The following LAMA1 variants were observed in gnomAD, a reference collection of about 807,000 sequenced individuals.
LAMA1 encodes the protein laminin subunit alpha-1.
LAMA1 carries 219 observed loss-of-function variants against 348.7 expected under a neutral mutation model. That is an observed-to-expected ratio of 0.63 (90% confidence interval 0.56 to 0.70). The LOEUF is 0.70. Among genes scored for constraint, LAMA1 ranks in the 30% least tolerant of loss-of-function variants. The probability of loss-of-function intolerance (pLI) is 0.00; values close to 1 mark genes in which losing one functional copy is unlikely to be tolerated. For missense variants in LAMA1, 3,744 were observed against 3,888.0 expected (o/e 0.96, Z 0.99); for synonymous variants, 1,487 against 1,491.0 (o/e 1.00, Z 0.06).
At position 7,029,458 on chromosome 18, in the gene LAMA1, C is replaced by T. The variant is rs113248933; in HGVS notation, c.2274+2608G>A. ...CATTTTAAAAATATTTGATAATGCT[C>T]ATTTGGAACATGTCTATGGTATGTT... is the stretch of plus-strand genomic sequence containing the variant. On this transcript the variant is annotated intron_variant, in intron 16 of 62. Transcript: ENST00000389658. Among the ~76,000 whole-genome samples the T allele has an allele frequency of 2.7e-3, 409 of 152,298 alleles. 2 individuals are homozygous for T. The highest frequency in any genetic ancestry group is 8.8e-3 in the African/African-American group (365 of 41,568).
intron 3 of LAMA1, among the ~76,000 whole-genome samples, chr18:7,059,060 T>C (rs1035462580): frequency 5.3e-5 from 8 of 152,146 alleles, no homozygotes; most frequent in African/African-American, 1.9e-4. Context: ...CAACTAATTT[T>C]TGTATTTTTA....
chr18:6,945,681 C>A (rs1444586370), intron 61 of LAMA1, among the ~76,000 whole-genome samples: 2 of 152,124 alleles, frequency 1.3e-5, no homozygotes, highest in African/African-American at 4.8e-5. Context: ...CAAGTTTGCA[C>A]ATGACCCCAC....
At chr18:7,016,468 C>T (rs1349511989) in intron 21 of LAMA1, 23 bp downstream of exon 21, 2 of 1,614,022 alleles carry the variant, frequency 1.2e-6, no homozygotes, top group South Asian at 1.1e-5. Flanking sequence ...TACAAAGTCT[C>T]AAACAAGGAA....
intron 3 of LAMA1, among the ~76,000 whole-genome samples, chr18:7,055,677 C>A (rs919532651): frequency 2.0e-5 from 3 of 152,124 alleles, no homozygotes; most frequent in African/African-American, 4.8e-5. Flanking sequence ...CAGAAACATT[C>A]TCCAATCGAC....
rs577878685 is a variant in LAMA1, at chr18:7,008,566, C to T, written c.4044G>A (p.Lys1348=). 5.6e-6 allele frequency: 9 copies of T among 1,614,084 alleles called. No homozygotes were observed. The African/African-American group carries it at 6.7e-5, about 12-fold the overall frequency. ...ISMEVGRKAE[K]LHPEEEVASL... is the part of the protein sequence containing the mutation. ...ATGCAACCTCTTCTTCTGGGTGCAG[C>T]TTTTCAGCCTTTCTGCCAACCTCCA... Residue 1348 remains lysine, a synonymous_variant, in exon 28 of 63, where the codon AAG becomes AAA. Transcript: ENST00000389658.
intron 54 of LAMA1, 130 bp from the exon 55 acceptor site, chr18:6,958,792 C>T (rs974396863): frequency 7.8e-6 from 6 of 772,684 alleles, no homozygotes; most frequent in African/African-American, 7.0e-5. Context: ...TTTAACAAGA[C>T]ACTGTCTGTG....
chr18:6,959,365 G>A lies in LAMA1; in HGVS notation c.7754C>T (p.Ser2585Phe). 1 of 1,614,134 alleles carries A rather than the reference G, an allele frequency of 6.2e-7. No individual in the cohort carries two copies. The highest frequency in any genetic ancestry group is 1.1e-5 in the South Asian group (1 of 91,072). ...TGTCSDGQAHSISLVRNRRII... is the reference protein window; with the variant it reads ...TGTCSDGQAHFISLVRNRRII... ...CCTCCGATTCCTGACCAAGGAGATG[G>A]AATGCGCTTGTCCATCACTGCAGGT... The change falls in exon 54 of 63, where the codon TCC becomes TTC. Residue 2585 changes from serine (S) to phenylalanine (F), a missense_variant. Physicochemically the swap from Ser to Phe is radical, Grantham distance 155. This residue lies in a region of LAMA1 where 1,983 missense variants were observed against 1,934.3 expected (regional missense o/e 1.03). Transcript: ENST00000389658.
chr18:7,021,842 T>A (rs1314577423), intron 19 of LAMA1, among the ~76,000 whole-genome samples: 1 of 62,476 alleles, frequency 1.6e-5, no homozygotes, highest in African/African-American at 1.1e-4. Flanking sequence ...TAATAATATA[T>A]TATATTATAT....
At chr18:7,089,988 T>C (rs567088554) in intron 1 of LAMA1, among the ~76,000 whole-genome samples, 9 of 152,280 alleles carry the variant, frequency 5.9e-5, no homozygotes, top group Admixed American at 5.2e-4. Context: ...TACATGAACA[T>C]GCGTTCCCAA....
chr18:6,974,455 CTTTTTTTTT>C (rs1213269695), intron 46 of LAMA1, among the ~76,000 whole-genome samples: 1 of 128,294 alleles, frequency 7.8e-6, no homozygotes, highest in Non-Finnish European at 1.7e-5. Flanking sequence ...TATTTCTTTT[CTTTTTTTTT>C]TTTTTTTTTG....
intron 19 of LAMA1, among the ~76,000 whole-genome samples, chr18:7,019,084 C>A (rs1366214926): frequency 2.6e-5 from 4 of 151,832 alleles, no homozygotes; most frequent in East Asian, 1.9e-4. Context: ...ACACAAGACA[C>A]CCCCTCCCTT....
At chr18:7,116,980 C>T (rs2058359560) in intron 1 of LAMA1, among the ~76,000 whole-genome samples, 1 of 152,096 alleles carries the variant, frequency 6.6e-6, no homozygotes, top group Non-Finnish European at 1.5e-5. Context: ...GTCAATCCCG[C>T]GCAGTGAATG....
chr18:7,019,427 C>A (rs73392496), intron 19 of LAMA1, among the ~76,000 whole-genome samples: 22,133 of 152,018 alleles, frequency 0.15, 1,660 homozygotes, highest in Middle Eastern at 0.21. Flanking sequence ...AAGTTCAATG[C>A]AAGTATGATC....
At position 7,002,249 on chromosome 18, in the gene LAMA1, C is replaced by A; in HGVS notation, c.4382+15G>T. On this transcript the variant is annotated intron_variant, in intron 30 of 62. Coordinates refer to ENST00000389658, the MANE Select transcript of LAMA1 (RefSeq NM_005559.4). ...TGGGCAGCCCAGCATGCCAGCTGCC[C>A]CTGTGGGGACTCACCTGGCAGGAGG... 6.2e-7 allele frequency: 1 copy of A among 1,610,152 alleles called. No individual in the cohort carries two copies. The highest frequency in any genetic ancestry group is 8.5e-7 in the Non-Finnish European group (1 of 1,179,854).
At chr18:7,057,962 T>C (rs2058089044) in intron 3 of LAMA1, among the ~76,000 whole-genome samples, 2 of 150,402 alleles carry the variant, frequency 1.3e-5, no homozygotes, top group South Asian at 2.1e-4. Context: ...GTCCGGCCAA[T>C]TTTTTTTAAT....
chr18:6,957,075 G>A, intron 55 of LAMA1: 1 of 379,454 alleles, frequency 2.6e-6, no homozygotes, highest in East Asian at 6.5e-5. Context: ...TGACTGGGCT[G>A]CCTCAGGGAC....
At chr18:6,952,261 G>A (rs1426469571) in intron 57 of LAMA1, among the ~76,000 whole-genome samples, 1 of 152,194 alleles carries the variant, frequency 6.6e-6, no homozygotes, top group Non-Finnish European at 1.5e-5. Flanking sequence ...GAAGTCCAGG[G>A]GCTGCTGAGA....
chr18:7,043,484 A>C (rs2058029231), intron 7 of LAMA1, 79 bp from the exon 8 acceptor site: 1 of 1,153,508 alleles, frequency 8.7e-7, no homozygotes, highest in Admixed American at 1.8e-5. Flanking sequence ...TCCCTAAGTA[A>C]GTTCTATGAT....
At chr18:7,082,528 T>C (rs1297849215) in intron 1 of LAMA1, among the ~76,000 whole-genome samples, 2 of 152,228 alleles carry the variant, frequency 1.3e-5, no homozygotes, top group Admixed American at 6.5e-5. Context: ...CATTCTTATG[T>C]GTGGTACTTA....
Sources: allele counts gnomAD v4.1 joint callset (sites outside exome capture counted in the v4.1 genomes callset), GRCh38; gene constraint gnomAD v4.1.1; regional missense constraint gnomAD v4.1.1; transcripts MANE v1.5; gene names NCBI Gene and HGNC (gene_info 2026-07-23, HGNC 2026-07-21).